GPR160: variants seen among roughly 807,000 people sequenced by gnomAD.
The protein encoded by GPR160 is G protein-coupled receptor 160, also known as probable G protein-coupled receptor 160.
A neutral mutation model predicts 2.6 loss-of-function variants in GPR160; 2 were observed. That is an observed-to-expected ratio of 0.77 (90% CI 0.32 to 2.44). GPR160 has a LOEUF of 2.44. Among genes scored for constraint, GPR160 ranks in the 30% most tolerant of loss-of-function variants. The probability of loss-of-function intolerance (pLI) is 0.11; values close to 1 mark genes in which losing one functional copy is unlikely to be tolerated. For missense variants in GPR160, 351 were observed against 383.6 expected, an observed-to-expected ratio of 0.91 and a Z score of 0.71; for synonymous variants, 130 against 132.2, an observed-to-expected ratio of 0.98 and a Z score of 0.12.
At chr3:170,072,406 C>T (rs1712642797) in intron 2 of GPR160, among the ~76,000 whole-genome samples, 1 of 152,110 alleles carries the variant, frequency 6.6e-6, no homozygotes, top group South Asian at 2.1e-4. Flanking sequence ...GACTTCTGGC[C>T]TCCTGAATGT....
rs1167572507 is a variant in GPR160 at position 170,061,274 on chromosome 3, C to CA, written c.-192-18486dup. Among the ~76,000 whole-genome samples, 333 of 92,386 alleles carry CA rather than the reference C, an allele frequency of 3.6e-3. 3 individuals carry two copies. The highest frequency in any genetic ancestry group is 0.019 in the South Asian group (57 of 3,012). The allele number at this position is 92,386 out of a possible 152,430, so 60.6% of individuals were successfully genotyped here. A position where few individuals can be genotyped will look rare whatever the true frequency, so the allele number is the denominator to read the frequency against. On this transcript the variant is annotated intron_variant, in intron 2 of 3. Transcript: ENST00000355897. ...TGGGTGACAGAGTGAGACTCTGTCTCAAAAAAAAAAAAAAGAAAGATAAAA... is the reference window on the plus strand; with the variant it reads ...TGGGTGACAGAGTGAGACTCTGTCTCAAAAAAAAAAAAAAAGAAAGATAAAA...
intron 2 of GPR160, among the ~76,000 whole-genome samples, chr3:170,040,714 C>T (rs1319249686): frequency 6.6e-6 from 1 of 152,188 alleles, no homozygotes; most frequent in Non-Finnish European, 1.5e-5. Flanking sequence ...GATTTATGTA[C>T]ACTTCTGAAA....
chr3:170,055,446 T>C (rs1258817482), intron 2 of GPR160, among the ~76,000 whole-genome samples: 1 of 152,182 alleles, frequency 6.6e-6, no homozygotes, highest in Non-Finnish European at 1.5e-5. Flanking sequence ...GGTTGAGTCA[T>C]ACAAGGAGCC....
chr3:170,077,931 G>T (rs2108346540), intron 2 of GPR160: 1 of 162,108 alleles, frequency 6.2e-6, no homozygotes, highest in South Asian at 1.6e-4. Context: ...AAGGTGAAGA[G>T]ACTGCGCAGT....
At chr3:170,056,537 A>ATCCTTGATAAT (rs1185858986) in intron 2 of GPR160, among the ~76,000 whole-genome samples, 2 of 152,240 alleles carry the variant, frequency 1.3e-5, no homozygotes, top group African/African-American at 4.8e-5. Flanking sequence ...CAGAGACATT[A>ATCCTTGATAAT]TCAAGGATAT....
intron 2 of GPR160, among the ~76,000 whole-genome samples, chr3:170,046,300 G>A (rs1716718721): frequency 6.6e-6 from 1 of 152,188 alleles, no homozygotes; most frequent in Non-Finnish European, 1.5e-5. Flanking sequence ...CTTTGAGCCA[G>A]GGCTTTGGCT....
At chr3:170,082,398 A>G (rs951055221) in intron 3 of GPR160, among the ~76,000 whole-genome samples, 5 of 152,184 alleles carry the variant, frequency 3.3e-5, no homozygotes, top group Admixed American at 3.3e-4. Context: ...TATCATAAAG[A>G]TGACCATATC....
chr3:170,074,192 T>G (rs1198897592), intron 2 of GPR160, among the ~76,000 whole-genome samples: 2 of 152,062 alleles, frequency 1.3e-5, no homozygotes, highest in Non-Finnish European at 2.9e-5. Context: ...CTGGGCCAGT[T>G]TCTTTAATAG....
intron 2 of GPR160, chr3:170,063,000 G>C (rs1286065346): frequency 1.4e-5 from 3 of 220,246 alleles, no homozygotes; most frequent in Non-Finnish European, 2.7e-5. Flanking sequence ...ACAGTAAGCC[G>C]AGATCGCGCC....
chr3:170,084,776 G>T lies in GPR160; in HGVS notation c.804G>T (p.Gln268His), dbSNP rs148749842. The change falls in exon 4 of 4, where the codon CAG becomes CAT. Residue 268 changes from glutamine (Q) to histidine (H), a missense_variant. Physicochemically the swap from Gln to His is conservative, Grantham distance 24. Coordinates refer to ENST00000355897, the MANE Select transcript of GPR160 (RefSeq NM_014373.3). ...TAATCATTGTTTTACTTAAAGTTCA[G>T]ATTCCAGCATATATTGAGATGAATA... is the stretch of plus-strand genomic sequence containing the variant. ...LQVIIVLLKV[Q>H]IPAYIEMNIP... 6 of 1,605,716 alleles carry T rather than the reference G, an allele frequency of 3.7e-6. No individual in the cohort carries two copies. In the African/African-American group the frequency reaches 8.0e-5, roughly 21 times the overall value.
chr3:170,047,322 T>C (rs1192537938), intron 2 of GPR160, among the ~76,000 whole-genome samples: 2 of 152,328 alleles, frequency 1.3e-5, no homozygotes, highest in South Asian at 2.1e-4. Context: ...TCAGCTACTT[T>C]CCATTGCTGC....
chr3:170,084,819 G>T lies in GPR160; in HGVS notation c.847G>T (p.Val283Phe), dbSNP rs534725792. 1 of 1,608,858 alleles carries T rather than the reference G, an allele frequency of 6.2e-7. No homozygotes were observed. The highest frequency in any genetic ancestry group is 8.5e-7 in the Non-Finnish European group (1 of 1,176,022). ...GATGAATATTCCCTGGTTATACTTT[G>T]TCAATAGTTTTCTCATTGCTACAGT... ...IEMNIPWLYF[V>F]NSFLIATVYW... Residue 283 changes from valine to phenylalanine, a missense_variant, in exon 4 of 4, where the codon GTC becomes TTC. By Grantham distance (50) the Val-to-Phe change is conservative. Coordinates refer to ENST00000355897, the MANE Select transcript of GPR160 (RefSeq NM_014373.3).
At chr3:170,041,477 A>G (rs935328060) in intron 2 of GPR160, among the ~76,000 whole-genome samples, 5 of 151,948 alleles carry the variant, frequency 3.3e-5, no homozygotes, top group Non-Finnish European at 7.4e-5. Context: ...AATTTTTAGT[A>G]GAGACGGGGT....
intron 2 of GPR160, among the ~76,000 whole-genome samples, chr3:170,046,436 C>T (rs1481931738): frequency 6.6e-6 from 1 of 152,168 alleles, no homozygotes; most frequent in African/African-American, 2.4e-5. Context: ...ACACAGGAGT[C>T]CCAGCCTCAG....
At chr3:170,082,134 G>A (rs944017849) in intron 3 of GPR160, among the ~76,000 whole-genome samples, 2 of 152,148 alleles carry the variant, frequency 1.3e-5, no homozygotes, top group Non-Finnish European at 2.9e-5. Flanking sequence ...GAAAAAGAAA[G>A]TATACTACTA....
Position 170,084,326 on chromosome 3 carries a change from AGAT to A in GPR160, c.355_357del (p.Asp119del), listed in dbSNP as rs766711782. 6.2e-7 allele frequency: 1 copy of A among 1,608,804 alleles called. No individual in the cohort carries two copies. Among genetic ancestry groups the A allele is most frequent in the East Asian group, 2.2e-5 (1 of 44,826 alleles). ...ATCCAGTTTTCCTGACAGCTTGTATAGATTATTGCCTGAATTTCTCTAAAACAA... is the reference window on the plus strand; with the variant it reads ...ATCCAGTTTTCCTGACAGCTTGTATATATTGCCTGAATTTCTCTAAAACAA... On this transcript the variant is annotated inframe_deletion, in exon 4 of 4. Transcript: ENST00000355897.
chr3:170,063,552 CAAAAAAA>C (rs528295183), intron 2 of GPR160, among the ~76,000 whole-genome samples: 2 of 78,940 alleles, frequency 2.5e-5, no homozygotes, highest in African/African-American at 6.0e-5. Context: ...ACAAAAAAAG[CAAAAAAA>C]AAAAAAAAAA....
rs900241923 is a variant in GPR160 at position 170,038,621 on chromosome 3, C to T, written c.-321-294C>T. Among the ~76,000 whole-genome samples the T allele has an allele frequency of 4.6e-5, 7 of 152,052 alleles. No homozygotes were observed. The highest frequency in any genetic ancestry group is 1.7e-4 in the African/African-American group (7 of 41,442). On this transcript the variant is annotated intron_variant, in intron 1 of 3. Transcript: ENST00000355897. This position sits in a 1 kb window ranked among gnomAD's most constrained non-coding sequence, Gnocchi z 5.3. ...GGTGTATGCAACTCTTCGCTCTTTC[C>T]TGGCGCCCAGAGGTGAATAGTCTCA... is the stretch of plus-strand genomic sequence containing the variant.
At chr3:170,039,503 G>A (rs1409854050) in intron 2 of GPR160, among the ~76,000 whole-genome samples, 1 of 152,206 alleles carries the variant, frequency 6.6e-6, no homozygotes, top group South Asian at 2.1e-4. Context: ...GAGGTCAGGG[G>A]TTCGAGACCA....
Sources: gnomAD v4.1 joint callset for allele counts (sites outside exome capture counted in the v4.1 genomes callset) on GRCh38, gnomAD v4.1.1 for gene constraint, Gnocchi (gnomAD v3.1) non-coding constraint, MANE v1.5 for transcripts, NCBI Gene and HGNC (gene_info 2026-07-23, HGNC 2026-07-21) for gene names.